HIVEP1: variants seen among roughly 807,000 people sequenced by gnomAD.
HIVEP1 encodes HIVEP zinc finger 1.
A neutral mutation model predicts 180.0 loss-of-function variants in HIVEP1; 36 were observed. The observed-to-expected ratio is 0.20, with a 90% CI of 0.15 to 0.26. HIVEP1 has a LOEUF of 0.26. Among genes scored for constraint, HIVEP1 ranks in the 10% least tolerant of loss-of-function variants. The probability of loss-of-function intolerance (pLI) is 1.00; values close to 1 mark genes in which losing one functional copy is unlikely to be tolerated. For missense variants in HIVEP1, 3,143 were observed against 3,268.7 expected (o/e 0.96, Z 0.94); for synonymous variants, 1,239 against 1,239.0 (o/e 1.00, Z 0.00).
intron 7 of HIVEP1, among the ~76,000 whole-genome samples, chr6:12,160,442 G>A (rs939058313): frequency 6.6e-6 from 1 of 152,124 alleles, no homozygotes; most frequent in Non-Finnish European, 1.5e-5. Flanking sequence ...TGAATATGAC[G>A]ACACGGAGGA....
chr6:12,082,455 C>T (rs906334209), intron 2 of HIVEP1, among the ~76,000 whole-genome samples: 68 of 152,096 alleles, frequency 4.5e-4, no homozygotes, highest in African/African-American at 1.5e-3. Flanking sequence ...CAGGATAGAC[C>T]GGATTACTCT....
chr6:12,108,425 G>C, intron 3 of HIVEP1, among the ~76,000 whole-genome samples: 1 of 152,324 alleles, frequency 6.6e-6, no homozygotes, highest in South Asian at 2.1e-4. Flanking sequence ...GGGACTGGGC[G>C]CCATGGAGCA....
chr6:12,172,266 G>C, the HIVEP1 span, among the ~76,000 whole-genome samples: 9 of 152,054 alleles, frequency 5.9e-5, no homozygotes, highest in Non-Finnish European at 1.0e-4. Context: ...ATTAGATATT[G>C]TATTAAGGGT....
At chr6:12,041,687 A>G (rs928832742) in intron 2 of HIVEP1, among the ~76,000 whole-genome samples, 2 of 152,070 alleles carry the variant, frequency 1.3e-5, no homozygotes, top group African/African-American at 2.4e-5. Context: ...TTGTTGAGAC[A>G]GAGTCTCGCT....
rs1760398658 is a variant in HIVEP1 at position 12,161,570 on chromosome 6, C to T, written c.6619C>T (p.Pro2207Ser). The T allele has an allele frequency of 1.2e-6, 2 of 1,614,112 alleles. No homozygotes were observed. The highest frequency in any genetic ancestry group is 4.5e-5 in the East Asian group (2 of 44,850). The change falls in exon 8 of 9, where the codon CCC (proline) becomes TCC (serine). Residue 2207 changes from proline (P) to serine (S), a missense_variant. Physicochemically the swap from Pro to Ser is moderately conservative, Grantham distance 74 (BLOSUM62 -1). Transcript: ENST00000379388. The part of the protein sequence containing the change: ...SQAESVLSAT[P>S]SVTASPQHLP... ...GGCTGAATCAGTCCTGTCAGCCACA[C>T]CCTCAGTCACAGCTAGCCCGCAGCA...
intron 2 of HIVEP1, among the ~76,000 whole-genome samples, chr6:12,035,878 C>T (rs12199764): frequency 0.04 from 6,155 of 152,174 alleles, 253 homozygotes; most frequent in East Asian, 0.15. Flanking sequence ...ATATAAACTG[C>T]TTATTTCAGA....
intron 3 of HIVEP1, among the ~76,000 whole-genome samples, chr6:12,118,568 C>T (rs1775362987): frequency 6.6e-6 from 1 of 152,206 alleles, no homozygotes; most frequent in African/African-American, 2.4e-5. Flanking sequence ...GATTTCATTT[C>T]TCTTGCAATA....
chr6:12,084,136 C>G (rs903482419), intron 2 of HIVEP1, among the ~76,000 whole-genome samples: 4 of 152,134 alleles, frequency 2.6e-5, no homozygotes, highest in African/African-American at 7.2e-5. Flanking sequence ...GCAACTCTCT[C>G]AGCTTTGTCA....
chr6:12,176,135 G>A, the HIVEP1 span, among the ~76,000 whole-genome samples: 1 of 152,082 alleles, frequency 6.6e-6, no homozygotes, highest in African/African-American at 2.4e-5. Context: ...GCACAAGAGG[G>A]TATCTGAGTG....
intron 3 of HIVEP1, among the ~76,000 whole-genome samples, chr6:12,097,633 T>C (rs1008196293): frequency 6.6e-6 from 1 of 152,146 alleles, no homozygotes. Context: ...ACTGGGAAAT[T>C]AGTATTTTAA....
At chr6:12,059,011 A>G (rs1771058726) in intron 2 of HIVEP1, among the ~76,000 whole-genome samples, 1 of 151,312 alleles carries the variant, frequency 6.6e-6, no homozygotes, top group Non-Finnish European at 1.5e-5. Flanking sequence ...GAGTGCAGTG[A>G]CACAATCTTG....
intron 2 of HIVEP1, among the ~76,000 whole-genome samples, chr6:12,076,334 A>C (rs1185979769): frequency 6.6e-6 from 1 of 152,238 alleles, no homozygotes; most frequent in Non-Finnish European, 1.5e-5. Flanking sequence ...TTTGAAATAA[A>C]AACTCACAAG....
chr6:12,192,626 C>G, the HIVEP1 span, among the ~76,000 whole-genome samples: 2 of 152,102 alleles, frequency 1.3e-5, 1 homozygote, highest in South Asian at 4.2e-4. Context: ...CCTCTTTGCT[C>G]TCTCTTCTGC....
chr6:12,168,107 A>G (rs1193882724), downstream of HIVEP1, among the ~76,000 whole-genome samples: 3 of 44,596 alleles, frequency 6.7e-5, no homozygotes, highest in East Asian at 1.3e-3. Flanking sequence ...ACACGTATAT[A>G]TGTATATTAT....
chr6:12,124,661 C>T lies in HIVEP1; in HGVS notation c.4866C>T (p.Pro1622=), dbSNP rs377350672. The change falls in exon 4 of 9, where the codon CCC becomes CCT. Residue 1622 remains proline (P), a synonymous_variant. Coordinates refer to ENST00000379388, the MANE Select transcript of HIVEP1 (RefSeq NM_002114.4). ...CTCTGCTACCACCAGAGCTCAGGCC[C>T]CTTGGAAGTCAGGTGCAGAAGGTGC... The part of the protein sequence containing the change: ...SHPLLPPELR[P]LGSQVQKVPS... 4 of 1,614,132 alleles carry T rather than the reference C, an allele frequency of 2.5e-6. No individual in the cohort carries two copies. Among genetic ancestry groups the T allele is most frequent in the Non-Finnish European group, 3.4e-6 (4 of 1,180,010 alleles).
downstream of HIVEP1, among the ~76,000 whole-genome samples, chr6:12,168,037 A>G (rs1178676546): frequency 1.1e-4 from 7 of 61,272 alleles, no homozygotes; most frequent in African/African-American, 3.5e-4. Flanking sequence ...TATATATTAT[A>G]TATACATATA....
chr6:12,167,683 T>TGTAATATATACATATATACATATATGC (rs1760757041), downstream of HIVEP1, among the ~76,000 whole-genome samples: 7 of 104,098 alleles, frequency 6.7e-5, no homozygotes, highest in East Asian at 1.6e-3. Context: ...CATATATGTG[T>TGTAATATATACATATATACATATATGC]ATAATATATA....
intron 3 of HIVEP1, among the ~76,000 whole-genome samples, chr6:12,103,430 T>C (rs1195978691): frequency 6.6e-6 from 1 of 152,072 alleles, no homozygotes; most frequent in Non-Finnish European, 1.5e-5. Flanking sequence ...TCTTCAGAGC[T>C]CACCAGAGGA....
chr6:12,084,071 T>A (rs1005526741), intron 2 of HIVEP1, among the ~76,000 whole-genome samples: 1 of 152,096 alleles, frequency 6.6e-6, no homozygotes, highest in Non-Finnish European at 1.5e-5. Flanking sequence ...AAGTTGATAA[T>A]AAGGTTCCAG....
Sources: allele counts gnomAD v4.1 joint callset (sites outside exome capture counted in the v4.1 genomes callset), GRCh38; gene constraint gnomAD v4.1.1; transcripts MANE v1.5; gene names NCBI Gene and HGNC (gene_info 2026-07-23, HGNC 2026-07-21).